The following ZNG1A variants were observed in gnomAD, a reference collection of about 807,000 sequenced individuals.
The protein encoded by ZNG1A is Zn regulated GTPase metalloprotein activator 1A.
the ZNG1A span, chr9:164,016 C>G: frequency 6.3e-7 from 1 of 1,596,152 alleles, no homozygotes; most frequent in East Asian, 2.2e-5. Flanking sequence ...AGCATCAACC[C>G]AAAACATAGA....
At chr9:156,055 G>A in the ZNG1A span, among the ~76,000 whole-genome samples, 4 of 150,584 alleles carry the variant, frequency 2.7e-5, no homozygotes, top group African/African-American at 4.9e-5. Flanking sequence ...CAGGAGAATC[G>A]CTTGAACCTG....
chr9:140,415 C>A, the ZNG1A span, among the ~76,000 whole-genome samples: 3,001 of 150,604 alleles, frequency 0.02, 55 homozygotes, highest in Middle Eastern at 0.035. Context: ...TGACACCTCA[C>A]ACGGCCGGGT....
the ZNG1A span, among the ~76,000 whole-genome samples, chr9:133,673 G>A: frequency 7.6e-6 from 1 of 132,320 alleles, no homozygotes; most frequent in Non-Finnish European, 1.6e-5. Context: ...CCTGGAGACT[G>A]AGGGTGAGAA....
chr9:124,897 A>G, the ZNG1A span, among the ~76,000 whole-genome samples: 14 of 151,018 alleles, frequency 9.3e-5, no homozygotes, highest in Non-Finnish European at 1.6e-4. Context: ...ACTCCTTTTT[A>G]TGGCTGAGGA....
chr9:175,854 A>T, the ZNG1A span: 1 of 1,056,846 alleles, frequency 9.5e-7, no homozygotes, highest in African/African-American at 1.7e-5. Context: ...CATATAAAGA[A>T]TCCTAACGTT....
the ZNG1A span, among the ~76,000 whole-genome samples, chr9:159,405 T>G: frequency 6.6e-6 from 1 of 151,776 alleles, no homozygotes; most frequent in East Asian, 1.9e-4. Context: ...TATACTTGAA[T>G]CTGCTAAAAC....
At chr9:122,506 T>A in the ZNG1A span, 236,868 of 1,030,168 alleles carry the variant, frequency 0.23, 19,585 homozygotes, top group Admixed American at 0.26. Context: ...TTAAATAATT[T>A]GTTTTAGAAA....
the ZNG1A span, among the ~76,000 whole-genome samples, chr9:168,808 C>T: frequency 6.7e-6 from 1 of 150,256 alleles, no homozygotes; most frequent in East Asian, 1.9e-4. Flanking sequence ...GCCTAGATGA[C>T]AGCACATCTG....
the ZNG1A span, chr9:177,677 C>A: frequency 1.6e-6 from 2 of 1,245,388 alleles, no homozygotes; most frequent in South Asian, 1.4e-5. Flanking sequence ...TATTAATTCT[C>A]ACTCCTGAGC....
At chr9:177,920 G>A in the ZNG1A span, 1 of 1,498,290 alleles carries the variant, frequency 6.7e-7, no homozygotes, top group African/African-American at 1.4e-5. Flanking sequence ...AAAAACAAAA[G>A]CAGTTATTTC....
the ZNG1A span, among the ~76,000 whole-genome samples, chr9:157,118 T>C: frequency 7.6e-6 from 1 of 131,780 alleles, no homozygotes; most frequent in East Asian, 2.2e-4. Flanking sequence ...GATTCTAGCC[T>C]AAAAGCAGTT....
chr9:156,916 T>G, the ZNG1A span, among the ~76,000 whole-genome samples: 4 of 151,816 alleles, frequency 2.6e-5, no homozygotes, highest in Non-Finnish European at 4.4e-5. Context: ...TATTACTTAT[T>G]TTTAAAAAAG....
chr9:140,364 C>G, the ZNG1A span, among the ~76,000 whole-genome samples: 24 of 150,778 alleles, frequency 1.6e-4, no homozygotes, highest in Middle Eastern at 3.4e-3. Flanking sequence ...CCCTGACCCC[C>G]GAGCAGCCTA....
chr9:174,403 C>T, the ZNG1A span, among the ~76,000 whole-genome samples: 1 of 151,714 alleles, frequency 6.6e-6, no homozygotes, highest in African/African-American at 2.4e-5. Context: ...TAAAGAGCTT[C>T]TAAAGAGGTT....
the ZNG1A span, among the ~76,000 whole-genome samples, chr9:163,123 C>A: frequency 2.0e-5 from 3 of 151,750 alleles, no homozygotes; most frequent in African/African-American, 7.3e-5. Flanking sequence ...CTTAATAATT[C>A]TTAAATTTCT....
the ZNG1A span, chr9:149,531 A>G: frequency 6.7e-6 from 1 of 150,260 alleles, no homozygotes; most frequent in Non-Finnish European, 1.5e-5. Flanking sequence ...AAGTTGAGCA[A>G]TCATTCCCTC....
At chr9:157,212 C>T in the ZNG1A span, among the ~76,000 whole-genome samples, 1 of 143,070 alleles carries the variant, frequency 7.0e-6, no homozygotes, top group African/African-American at 2.6e-5. Flanking sequence ...CAGGCTAACT[C>T]CAAAAAATAT....
chr9:143,039 G>A, the ZNG1A span, among the ~76,000 whole-genome samples: 1 of 147,408 alleles, frequency 6.8e-6, no homozygotes, highest in Non-Finnish European at 1.5e-5. Context: ...ATCTGAAATT[G>A]TGTCAATAAT....
the ZNG1A span, chr9:123,628 C>T: frequency 1.7e-6 from 1 of 576,118 alleles, no homozygotes; most frequent in Admixed American, 3.0e-5. Context: ...TTAGCAACTC[C>T]ATTTCCTACA....
Sources: allele counts gnomAD v4.1 joint callset (sites outside exome capture counted in the v4.1 genomes callset), GRCh38; gene constraint gnomAD v4.1.1; transcripts MANE v1.5; gene names NCBI Gene and HGNC (gene_info 2026-07-23, HGNC 2026-07-21).